Variants in TUNAR observed in about 807,000 individuals in gnomAD.
TUNAR encodes transmembrane neural differentiation associated intracellular calcium regulator.
chr14:95,903,844 G>T (rs1889391286), intron 2 of TUNAR, among the ~76,000 whole-genome samples: 2 of 152,204 alleles, frequency 1.3e-5, no homozygotes, highest in African/African-American at 2.4e-5. Context: ...GGGCTGTAGG[G>T]CTTCTCTGCC....
At chr14:95,905,910 T>A (rs1731821048) in intron 2 of TUNAR, among the ~76,000 whole-genome samples, 1 of 152,216 alleles carries the variant, frequency 6.6e-6, no homozygotes, top group African/African-American at 2.4e-5. Flanking sequence ...TGAAAACTCA[T>A]AGACATTTCT....
At chr14:95,886,897 C>T (rs1889086163) in intron 2 of TUNAR, among the ~76,000 whole-genome samples, 1 of 152,164 alleles carries the variant, frequency 6.6e-6, no homozygotes, top group Non-Finnish European at 1.5e-5. Context: ...TCTGTCTTCC[C>T]TCTTGGAACC....
chr14:95,913,081 G>A lies in TUNAR; in HGVS notation c.13-9700G>A, dbSNP rs141221245. Among the ~76,000 whole-genome samples the A allele has an allele frequency of 4.4e-3, 640 of 147,088 alleles. 2 individuals are homozygous for A. The highest frequency in any genetic ancestry group is 0.016 in the African/African-American group (608 of 38,164). On this transcript the variant is annotated intron_variant, in intron 2 of 2. Coordinates refer to ENST00000678517, the Ensembl canonical transcript of TUNAR. ...GCTGGGATTACAGGCATGAGCCACC[G>A]CGCCTAGCCGGGCATCTTTTTTTTT...
chr14:95,919,577 G>A (rs897103565), intron 2 of TUNAR, among the ~76,000 whole-genome samples: 1 of 152,084 alleles, frequency 6.6e-6, no homozygotes, highest in Non-Finnish European at 1.5e-5. Flanking sequence ...GCTGGGCGTG[G>A]TGGTGCACGC....
chr14:95,922,544 C>A (rs570879739), intron 2 of TUNAR, among the ~76,000 whole-genome samples: 1 of 152,314 alleles, frequency 6.6e-6, no homozygotes, highest in East Asian at 1.9e-4. Flanking sequence ...GGGTAGACTT[C>A]TAGGCTCCTC....
At chr14:95,886,727 C>T (rs953990251) in intron 2 of TUNAR, among the ~76,000 whole-genome samples, 4 of 152,162 alleles carry the variant, frequency 2.6e-5, no homozygotes, top group Admixed American at 6.5e-5. Context: ...GAATTGTGGC[C>T]GAGTAGCACA....
At chr14:95,919,266 G>A (rs1038328404) in intron 2 of TUNAR, among the ~76,000 whole-genome samples, 6 of 152,192 alleles carry the variant, frequency 3.9e-5, no homozygotes, top group Admixed American at 1.3e-4. Context: ...AAACGTATGC[G>A]TACCCTGTGC....
intron 2 of TUNAR, among the ~76,000 whole-genome samples, chr14:95,884,920 G>A (rs963666015): frequency 6.6e-6 from 1 of 151,404 alleles, no homozygotes; most frequent in African/African-American, 2.4e-5. Context: ...TCTGGCCTGT[G>A]TATCAACAGC....
chr14:95,896,312 A>G (rs138586849), intron 2 of TUNAR, among the ~76,000 whole-genome samples: 7 of 152,292 alleles, frequency 4.6e-5, no homozygotes, highest in East Asian at 1.9e-4. Flanking sequence ...TTCAAGCTCA[A>G]TGGGGAAACT....
intron 2 of TUNAR, among the ~76,000 whole-genome samples, chr14:95,909,091 T>C (rs897516259): frequency 5.3e-5 from 8 of 152,178 alleles, no homozygotes; most frequent in Non-Finnish European, 1.0e-4. Context: ...TTCCCACAAG[T>C]GAAAAACGTG....
intron 2 of TUNAR, among the ~76,000 whole-genome samples, chr14:95,918,399 C>T (rs980414840): frequency 2.6e-5 from 4 of 152,198 alleles, no homozygotes; most frequent in Non-Finnish European, 5.9e-5. Context: ...TGAGTCTCCT[C>T]CATCACTGTT....
rs547674102 is a variant in TUNAR at position 95,885,268 on chromosome 14, T to C, written c.12+8091T>C. Among the ~76,000 whole-genome samples the C allele has an allele frequency of 1.2e-3, 177 of 152,360 alleles. 6 individuals are homozygous for C. In the South Asian group the frequency reaches 0.035, roughly 30 times the overall value. ...TCAATCTTCTTTGGGATGCTTTCTC[T>C]GGACATATTGACCAAGCCTTCACTG... On this transcript the variant is annotated intron_variant, in intron 2 of 2. Coordinates refer to ENST00000678517, the Ensembl canonical transcript of TUNAR.
intron 2 of TUNAR, among the ~76,000 whole-genome samples, chr14:95,919,013 T>A (rs1419356677): frequency 2.6e-5 from 4 of 152,170 alleles, no homozygotes; most frequent in Non-Finnish European, 5.9e-5. Context: ...TTGCAGTCTT[T>A]CTAAGACGAC....
At chr14:95,920,324 C>T (rs898528158) in intron 2 of TUNAR, among the ~76,000 whole-genome samples, 17 of 151,958 alleles carry the variant, frequency 1.1e-4, no homozygotes, top group African/African-American at 3.1e-4. Flanking sequence ...TTCTTGATCT[C>T]GGTGCTAAAC....
At chr14:95,907,088 T>C (rs1424773207) in intron 2 of TUNAR, among the ~76,000 whole-genome samples, 4 of 152,226 alleles carry the variant, frequency 2.6e-5, no homozygotes, top group Admixed American at 6.5e-5. Flanking sequence ...TAAGTTAACA[T>C]TGGGTCCTTG....
At chr14:95,887,034 A>G (rs369450440) in intron 2 of TUNAR, among the ~76,000 whole-genome samples, 23 of 152,264 alleles carry the variant, frequency 1.5e-4, no homozygotes, top group African/African-American at 5.1e-4. Context: ...AAGTTATCAG[A>G]GCAGATTAGA....
rs572826435 is a variant in TUNAR, at chr14:95,918,322, A to G, written c.13-4459A>G. ...GCTGTTATTATTATACTTGTTGCTTATTGTTTCTGTTTTCCTTTCCCATCT... is the reference window on the plus strand; with the variant it reads ...GCTGTTATTATTATACTTGTTGCTTGTTGTTTCTGTTTTCCTTTCCCATCT... On this transcript the variant is annotated intron_variant, in intron 2 of 2. Coordinates refer to ENST00000678517, the Ensembl canonical transcript of TUNAR. Among the ~76,000 whole-genome samples, 3 of 152,188 alleles carry G rather than the reference A, an allele frequency of 2.0e-5. No homozygotes were observed. In the East Asian group the frequency reaches 5.8e-4, roughly 29 times the overall value.
intron 2 of TUNAR, among the ~76,000 whole-genome samples, chr14:95,901,624 T>A (rs1889355160): frequency 6.6e-6 from 1 of 152,226 alleles, no homozygotes; most frequent in Non-Finnish European, 1.5e-5. Flanking sequence ...AACCACAACT[T>A]CCTTTTCTGG....
intron 2 of TUNAR, among the ~76,000 whole-genome samples, chr14:95,919,799 A>G (rs1351073091): frequency 6.6e-6 from 1 of 152,224 alleles, no homozygotes; most frequent in Non-Finnish European, 1.5e-5. Context: ...ATGGGCAGAT[A>G]TGTGACAAAG....
Sources: allele counts gnomAD v4.1 joint callset (sites outside exome capture counted in the v4.1 genomes callset), GRCh38; gene constraint gnomAD v4.1.1; transcripts MANE v1.5; gene names NCBI Gene and HGNC (gene_info 2026-07-23, HGNC 2026-07-21).